BASP1: variants seen among roughly 807,000 people sequenced by gnomAD.
BASP1 encodes the protein brain acid soluble protein 1.
Under a neutral mutation model 2.2 loss-of-function variants are expected in BASP1, and 1 was observed. The observed-to-expected ratio is 0.46, with a 90% CI of 0.16 to 2.17. The LOEUF (loss-of-function observed/expected upper bound fraction) is 2.17. BASP1 is among the 30% of genes most tolerant of loss of function. BASP1 has a pLI of 0.27. For synonymous variants in BASP1, 187 were observed against 154.2 expected, an observed-to-expected ratio of 1.21 and a Z score of -1.58; for missense variants, 352 against 327.2, an observed-to-expected ratio of 1.08 and a Z score of -0.58.
chr5:17,217,152 G>A, upstream of BASP1: 1 of 140,634 alleles, frequency 7.1e-6, no homozygotes, highest in Non-Finnish European at 1.5e-5. Flanking sequence ...GCGGCGCGGC[G>A]GGGGAAGGGG....
At chr5:17,246,961 C>T (rs1319148278) in intron 1 of BASP1, among the ~76,000 whole-genome samples, 10 of 152,106 alleles carry the variant, frequency 6.6e-5, no homozygotes, top group African/African-American at 2.4e-5. Flanking sequence ...CTGAGGCCAG[C>T]GGATTGCCTG....
intron 1 of BASP1, among the ~76,000 whole-genome samples, chr5:17,248,432 G>T (rs1360830670): frequency 4.6e-5 from 7 of 152,090 alleles, no homozygotes; most frequent in African/African-American, 1.7e-4. Flanking sequence ...ATACATATAT[G>T]GTATTCATTT....
Position 17,227,557 on chromosome 5 carries a change from TG to T in BASP1, c.-10+9748del, listed in dbSNP as rs1455602643. Among the ~76,000 whole-genome samples, 3 of 152,072 alleles carry T rather than the reference TG, an allele frequency of 2.0e-5. No homozygotes were observed. The East Asian group carries it at 5.8e-4, about 29-fold the overall frequency. ...GCTGGGCCTACAGGTGCCGCCACTA[TG>T]CCCGGCTAATTTTTTTGTATTTTTT... On this transcript the variant is annotated intron_variant, in intron 1 of 1. Transcript: ENST00000322611.
intron 1 of BASP1, among the ~76,000 whole-genome samples, chr5:17,237,004 AC>A (rs774093737): frequency 9.8e-5 from 15 of 152,298 alleles, no homozygotes; most frequent in Non-Finnish European, 2.1e-4. Flanking sequence ...CTACCAGCCC[AC>A]CGGGTAGTAA....
At chr5:17,270,505 G>T (rs1212804092) in intron 1 of BASP1, among the ~76,000 whole-genome samples, 1 of 152,136 alleles carries the variant, frequency 6.6e-6, no homozygotes, top group Non-Finnish European at 1.5e-5. Flanking sequence ...TTACAATATG[G>T]TGACAACAGA....
chr5:17,275,446 C>T lies in BASP1; in HGVS notation c.230C>T (p.Ala77Val). The part of the protein sequence containing the change: ...EEKEGEKDAA[A>V]AKEEAPKAEP... ...AAGGAGGGCGAGAAGGACGCGGCGG[C>T]TGCCAAGGAGGAGGCCCCGAAGGCG... is the stretch of plus-strand genomic sequence containing the variant. Residue 77 changes from alanine to valine, a missense_variant, in exon 2 of 2, where the codon GCT (alanine) becomes GTT (valine). Coordinates refer to ENST00000322611, the MANE Select transcript of BASP1 (RefSeq NM_006317.5). The surrounding 1 kb of genome is among the most constrained non-coding windows in gnomAD (Gnocchi z 5.3). 6.6e-7 allele frequency: 1 copy of T among 1,522,388 alleles called. No homozygotes were observed. The highest frequency in any genetic ancestry group is 8.8e-7 in the Non-Finnish European group (1 of 1,136,346). 94.3% of individuals were successfully genotyped at this position (1,522,388 alleles called of 1,614,324 possible).
chr5:17,259,297 A>G (rs1020413487), intron 1 of BASP1, among the ~76,000 whole-genome samples: 3 of 152,210 alleles, frequency 2.0e-5, no homozygotes, highest in Non-Finnish European at 2.9e-5. Flanking sequence ...ACCTGCCCCC[A>G]TAATTTAATC....
chr5:17,229,573 G>A (rs985967198), intron 1 of BASP1, among the ~76,000 whole-genome samples: 5 of 152,100 alleles, frequency 3.3e-5, no homozygotes, highest in African/African-American at 1.2e-4. Context: ...TTCAGGGGAC[G>A]AAAGCCCAGA....
intron 1 of BASP1, among the ~76,000 whole-genome samples, chr5:17,258,588 C>T (rs1561173983): frequency 6.6e-6 from 1 of 152,148 alleles, no homozygotes; most frequent in African/African-American, 2.4e-5. Context: ...TATACAGAAA[C>T]ATTGGCAAAT....
chr5:17,229,768 A>G (rs1277126849), intron 1 of BASP1, among the ~76,000 whole-genome samples: 1 of 148,060 alleles, frequency 6.8e-6, no homozygotes, highest in Non-Finnish European at 1.5e-5. Flanking sequence ...CAAGATCAAC[A>G]TGTTGGTAGG....
At position 17,246,926 on chromosome 5, in the gene BASP1, C is replaced by T. The variant is rs192295100; in HGVS notation, c.-9-28282C>T. Among the ~76,000 whole-genome samples the T allele has an allele frequency of 2.6e-5, 4 of 152,346 alleles. No homozygotes were observed. The East Asian group carries it at 7.7e-4, about 29-fold the overall frequency. ...CATTTGGCCGTTGCAGTGGCTCACA[C>T]CTGTAATCCCAGCACTTTGTGAGGC... On this transcript the variant is annotated intron_variant, in intron 1 of 1. Coordinates refer to ENST00000322611, the MANE Select transcript of BASP1 (RefSeq NM_006317.5).
chr5:17,228,446 T>G (rs985083168), intron 1 of BASP1, among the ~76,000 whole-genome samples: 1 of 152,234 alleles, frequency 6.6e-6, no homozygotes, highest in Non-Finnish European at 1.5e-5. Context: ...GTTGTTATGT[T>G]TAACTTAACT....
chr5:17,275,951 C>CTCTCTCTCTCTCTCTCTA lies in BASP1; in HGVS notation c.*68_*69insATCTCTCTCTCTCTCTCT, dbSNP rs1740648588. 2.3e-6 allele frequency: 3 copies of CTCTCTCTCTCTCTCTCTA among 1,302,310 alleles called. No homozygotes were observed. Among genetic ancestry groups the CTCTCTCTCTCTCTCTCTA allele is most frequent in the Non-Finnish European group, 3.0e-6 (3 of 990,834 alleles). 80.7% of individuals were successfully genotyped at this position (1,302,310 alleles called of 1,614,324 possible). On this transcript the variant is annotated 3_prime_UTR_variant, in exon 2 of 2. Coordinates refer to ENST00000322611, the MANE Select transcript of BASP1 (RefSeq NM_006317.5). This position sits in a 1 kb window ranked among gnomAD's most constrained non-coding sequence, Gnocchi z 5.3. ...TACCACTTAAAACAATCTCCTCTCT[C>CTCTCTCTCTCTCTCTCTA]TCTCTCTCTCTCTCTCTCTATCTCT...
intron 1 of BASP1, among the ~76,000 whole-genome samples, chr5:17,246,145 A>G (rs1739982848): frequency 6.6e-6 from 1 of 152,114 alleles, no homozygotes; most frequent in Admixed American, 6.6e-5. Context: ...TGGCCTCTTT[A>G]AAGGACAGTT....
At chr5:17,247,588 G>A (rs889732790) in intron 1 of BASP1, among the ~76,000 whole-genome samples, 1 of 152,228 alleles carries the variant, frequency 6.6e-6, no homozygotes, top group African/African-American at 2.4e-5. Context: ...CACGAATGCT[G>A]CTTCTTCAAA....
chr5:17,245,961 C>T (rs977133274), intron 1 of BASP1, among the ~76,000 whole-genome samples: 7 of 151,474 alleles, frequency 4.6e-5, no homozygotes, highest in African/African-American at 1.2e-4. Context: ...ATAATACCAA[C>T]GCGTGGATAG....
At chr5:17,254,093 A>AT (rs1740153645) in intron 1 of BASP1, among the ~76,000 whole-genome samples, 1 of 152,158 alleles carries the variant, frequency 6.6e-6, no homozygotes, top group Admixed American at 6.6e-5. Context: ...TAAGGGAAAA[A>AT]ATATATATAT....
intron 1 of BASP1, among the ~76,000 whole-genome samples, chr5:17,267,519 C>CT (rs530466809): frequency 0.04 from 5,821 of 144,342 alleles, 376 homozygotes; most frequent in African/African-American, 0.13. Context: ...TTTTTTTTTG[C>CT]TTTTTTTTTT....
intron 1 of BASP1, among the ~76,000 whole-genome samples, chr5:17,255,629 G>A (rs1421730169): frequency 1.3e-5 from 2 of 152,152 alleles, no homozygotes; most frequent in Non-Finnish European, 1.5e-5. Flanking sequence ...GTGTTACAGG[G>A]TAGGAAGTTG....
Sources: allele counts gnomAD v4.1 joint callset (sites outside exome capture counted in the v4.1 genomes callset), GRCh38; gene constraint gnomAD v4.1.1; non-coding constraint Gnocchi (gnomAD v3.1); transcripts MANE v1.5; gene names NCBI Gene and HGNC (gene_info 2026-07-23, HGNC 2026-07-21).